The following PPP2R3A variants were observed in gnomAD, a reference collection of about 807,000 sequenced individuals.
PPP2R3A encodes the protein serine/threonine-protein phosphatase 2A regulatory subunit B'' subunit alpha.
PPP2R3A carries 80 observed loss-of-function variants against 106.9 expected under a neutral mutation model. That is an observed-to-expected ratio of 0.75 (90% CI 0.62 to 0.90). The LOEUF (loss-of-function observed/expected upper bound fraction) is 0.90, where lower values mean the gene tolerates loss of function less well. Among genes scored for constraint, PPP2R3A ranks in the 40% least tolerant of loss-of-function variants. PPP2R3A has a pLI of 0.00. For synonymous variants in PPP2R3A, 483 were observed against 468.3 expected (o/e 1.03, Z -0.41); for missense variants, 1,386 against 1,350.4 (o/e 1.03, Z -0.41).
At chr3:136,063,925 C>A (rs1936169543) in intron 5 of PPP2R3A, among the ~76,000 whole-genome samples, 1 of 149,552 alleles carries the variant, frequency 6.7e-6, no homozygotes, top group African/African-American at 2.5e-5. Flanking sequence ...GGGTATATAC[C>A]CAAAGGATTA....
At position 136,041,256 on chromosome 3, in the gene PPP2R3A, T is replaced by TG. The variant is rs1288292577; in HGVS notation, c.2366+294_2366+295insG. On this transcript the variant is annotated intron_variant, in intron 4 of 13. Coordinates refer to ENST00000264977, the MANE Select transcript of PPP2R3A (RefSeq NM_002718.5). ...TTTTCTTGTTTTTTTTTTTGTTTTT[T>TG]TTTTTGTTTTTTTTTTTTTGAGACA... 1.1e-4 allele frequency among the ~76,000 whole-genome samples: 13 copies of TG among 121,484 alleles called. 2 individuals carry two copies. The highest frequency in any genetic ancestry group is 5.6e-4 in the South Asian group (2 of 3,602). The allele number at this position is 121,484 out of a possible 152,430, so 79.7% of individuals were successfully genotyped here. A position where few individuals can be genotyped will look rare whatever the true frequency, so the allele number is the denominator to read the frequency against.
At chr3:136,065,343 A>G (rs1936232155) in intron 5 of PPP2R3A, among the ~76,000 whole-genome samples, 2 of 152,186 alleles carry the variant, frequency 1.3e-5, no homozygotes, top group Non-Finnish European at 2.9e-5. Context: ...AAAAGTGTAA[A>G]TGATTGGAAA....
At position 136,026,978 on chromosome 3, in the gene PPP2R3A, T is replaced by C. The variant is rs753952773; in HGVS notation, c.2142T>C (p.Phe714=). The C allele has an allele frequency of 3.1e-6, 5 of 1,613,492 alleles. No homozygotes were observed. The highest frequency in any genetic ancestry group is 1.1e-5 in the South Asian group (1 of 91,072). ...CCATAAACATTCCACGGTTCTACTT[T>C]CCTGAAGGACTCCCAGATACCTGTA... ...PLSINIPRFY[F]PEGLPDTCSN... is the part of the protein sequence containing the mutation. The change falls in exon 3 of 14, where the codon TTT becomes TTC. Residue 714 remains phenylalanine, a synonymous_variant. Coordinates refer to ENST00000264977, the MANE Select transcript of PPP2R3A (RefSeq NM_002718.5).
intron 7 of PPP2R3A, among the ~76,000 whole-genome samples, chr3:136,079,764 A>G (rs1252794198): frequency 6.8e-6 from 1 of 147,694 alleles, no homozygotes; most frequent in Non-Finnish European, 1.5e-5. Context: ...TTTTTTTACC[A>G]GTGATAAAAT....
intron 1 of PPP2R3A, among the ~76,000 whole-genome samples, chr3:135,974,841 G>C (rs912119843): frequency 6.6e-6 from 1 of 152,222 alleles, no homozygotes; most frequent in African/African-American, 2.4e-5. Flanking sequence ...CTGCTTCTCT[G>C]TGAGATTAGA....
chr3:136,082,215 CA>C, intron 7 of PPP2R3A, 49 bp from the exon 8 acceptor site: 1 of 1,483,628 alleles, frequency 6.7e-7, no homozygotes, highest in Non-Finnish European at 9.3e-7. Context: ...GCACAGTGGC[CA>C]AAGCTGCTTT....
Position 136,003,432 on chromosome 3 carries a change from G to T in PPP2R3A, c.1934G>T (p.Gly645Val). The change falls in exon 2 of 14, where the codon GGT becomes GTT. Residue 645 changes from glycine to valine, a missense_variant. Coordinates refer to ENST00000264977, the MANE Select transcript of PPP2R3A (RefSeq NM_002718.5). Reference protein sequence around the residue: ...ANLSVCRSPVGDKAKDTTSAV... With the variant: ...ANLSVCRSPVVDKAKDTTSAV... ...TTATCAGTCTGTAGAAGTCCTGTTG[G>T]TGATAAAGCCAAAGATACTACTTCA... 1 of 1,613,740 alleles carries T rather than the reference G, an allele frequency of 6.2e-7. No homozygotes were observed. The highest frequency in any genetic ancestry group is 1.1e-5 in the South Asian group (1 of 91,016).
At chr3:136,048,973 A>T (rs1460309213) in intron 4 of PPP2R3A, among the ~76,000 whole-genome samples, 2 of 151,978 alleles carry the variant, frequency 1.3e-5, no homozygotes, top group African/African-American at 4.8e-5. Context: ...GTTTCCTGAA[A>T]ATGCTTTAGA....
chr3:136,033,351 G>T (rs985253358), intron 3 of PPP2R3A, among the ~76,000 whole-genome samples: 1 of 152,054 alleles, frequency 6.6e-6, no homozygotes, highest in Non-Finnish European at 1.5e-5. Flanking sequence ...TTGTTTGGTT[G>T]GTTATGTCCT....
At chr3:136,137,891 A>T (rs1469708668) in intron 13 of PPP2R3A, among the ~76,000 whole-genome samples, 1 of 152,140 alleles carries the variant, frequency 6.6e-6, no homozygotes, top group East Asian at 1.9e-4. Context: ...CTAAGGCACT[A>T]TAGGTAAAGA....
At chr3:136,090,760 C>A in intron 10 of PPP2R3A, 93 bp downstream of exon 10, 1 of 927,502 alleles carries the variant, frequency 1.1e-6, no homozygotes, top group Non-Finnish European at 1.7e-6. Context: ...GAGGCCAACT[C>A]AACGTGGCAA....
intron 13 of PPP2R3A, among the ~76,000 whole-genome samples, chr3:136,130,561 TATC>T: frequency 6.6e-6 from 1 of 152,286 alleles, no homozygotes; most frequent in Middle Eastern, 3.4e-3. Flanking sequence ...GAAGAATCAA[TATC>T]ATGAAAATGG....
chr3:136,141,433 G>A (rs140952842), intron 13 of PPP2R3A, among the ~76,000 whole-genome samples: 129 of 152,292 alleles, frequency 8.5e-4, no homozygotes, highest in African/African-American at 2.8e-3. Flanking sequence ...GCAGGGCCTA[G>A]GGAAGCCACT....
chr3:136,134,932 ATTG>A (rs1938548662), intron 13 of PPP2R3A, among the ~76,000 whole-genome samples: 1 of 152,148 alleles, frequency 6.6e-6, no homozygotes, highest in Admixed American at 6.5e-5. Context: ...AAATATTACT[ATTG>A]TTTTATAACC....
At chr3:136,031,990 C>G (rs1331401001) in intron 3 of PPP2R3A, among the ~76,000 whole-genome samples, 1 of 151,986 alleles carries the variant, frequency 6.6e-6, no homozygotes, top group Non-Finnish European at 1.5e-5. Context: ...CATGCGGGCT[C>G]TTTTTTGGTT....
chr3:136,010,641 TG>T (rs1934035144), intron 2 of PPP2R3A, among the ~76,000 whole-genome samples: 1 of 152,054 alleles, frequency 6.6e-6, no homozygotes. Flanking sequence ...TTGGTCAGGC[TG>T]GTCTTGAACT....
intron 1 of PPP2R3A, among the ~76,000 whole-genome samples, chr3:135,966,803 T>C (rs1937101335): frequency 6.6e-6 from 1 of 152,186 alleles, no homozygotes; most frequent in Admixed American, 6.5e-5. Flanking sequence ...GAAGTATTCC[T>C]CCTCAAATCT....
At chr3:136,082,573 T>C in intron 8 of PPP2R3A, 152 bp downstream of exon 8, 1 of 799,614 alleles carries the variant, frequency 1.3e-6, no homozygotes, top group Non-Finnish European at 2.0e-6. Flanking sequence ...TGAGTGAAGA[T>C]AATATAATTT....
intron 2 of PPP2R3A, among the ~76,000 whole-genome samples, chr3:136,005,568 G>A (rs967744702): frequency 2.6e-5 from 4 of 152,010 alleles, no homozygotes; most frequent in Admixed American, 1.3e-4. Flanking sequence ...CTTTAGTTTG[G>A]GGTCAACACT....
Sources: gnomAD v4.1 joint callset for allele counts (sites outside exome capture counted in the v4.1 genomes callset) on GRCh38, gnomAD v4.1.1 for gene constraint, MANE v1.5 for transcripts, NCBI Gene and HGNC (gene_info 2026-07-23, HGNC 2026-07-21) for gene names.